Variants in LHPP observed in about 807,000 individuals in gnomAD.
LHPP encodes hLHPP.
LHPP carries 24 observed loss-of-function variants against 30.3 expected under a neutral mutation model. The ratio of observed to expected loss-of-function variants is 0.79; its 90% CI spans 0.57 to 1.11. LHPP has a LOEUF of 1.11. Ranked by LOEUF, LHPP falls within the 50% of genes most tolerant of loss-of-function variation. The pLI, the probability that LHPP is intolerant of heterozygous loss-of-function variation, is 0.00. For synonymous variants in LHPP, 150 were observed against 157.1 expected (o/e 0.95, Z 0.34); for missense variants, 356 against 367.2 (o/e 0.97, Z 0.25).
chr10:124,587,135 G>A (rs1024651582), intron 6 of LHPP, among the ~76,000 whole-genome samples: 2 of 150,660 alleles, frequency 1.3e-5, no homozygotes, highest in African/African-American at 2.4e-5. Context: ...GGGTTCCAGC[G>A]ATTCTCCTGC....
intron 1 of LHPP, among the ~76,000 whole-genome samples, chr10:124,480,595 C>T (rs1403654155): frequency 2.6e-5 from 4 of 152,226 alleles, no homozygotes; most frequent in Non-Finnish European, 4.4e-5. Flanking sequence ...GGGTGCAAAT[C>T]ACACGTTCCA....
intron 6 of LHPP, among the ~76,000 whole-genome samples, chr10:124,610,476 A>G (rs71488621): frequency 0.12 from 5,940 of 51,064 alleles, 755 homozygotes; most frequent in Middle Eastern, 0.18. Flanking sequence ...GAGGGTGCTG[A>G]TGGAGCGGGT....
intron 6 of LHPP, among the ~76,000 whole-genome samples, chr10:124,524,700 CACCCACCT>C (rs1954690400): frequency 1.3e-5 from 2 of 152,124 alleles, no homozygotes; most frequent in Non-Finnish European, 2.9e-5. Context: ...GGTGTGGTGA[CACCCACCT>C]GTGGTCCCAG....
intron 1 of LHPP, among the ~76,000 whole-genome samples, chr10:124,464,439 C>T (rs185125207): frequency 5.7e-4 from 86 of 152,202 alleles, no homozygotes; most frequent in African/African-American, 1.9e-3. Context: ...ATAGTGAAGC[C>T]GGAGGTGTTT....
At chr10:124,539,443 G>A (rs1955119710) in intron 6 of LHPP, among the ~76,000 whole-genome samples, 2 of 152,048 alleles carry the variant, frequency 1.3e-5, no homozygotes, top group African/African-American at 2.4e-5. Context: ...TGGGCAACAT[G>A]GCGAAACCCC....
intron 6 of LHPP, among the ~76,000 whole-genome samples, chr10:124,535,578 T>C (rs1436368491): frequency 1.3e-5 from 2 of 151,956 alleles, no homozygotes; most frequent in Non-Finnish European, 2.9e-5. Context: ...AAAACATTTT[T>C]TTTTTTTTTG....
chr10:124,574,455 C>T (rs1022344442), intron 6 of LHPP, among the ~76,000 whole-genome samples: 1 of 152,168 alleles, frequency 6.6e-6, no homozygotes, highest in African/African-American at 2.4e-5. Flanking sequence ...GGCGGGAGCT[C>T]AGTCTGGCTT....
At chr10:124,518,666 C>T (rs1185295955) in intron 6 of LHPP, among the ~76,000 whole-genome samples, 1 of 152,220 alleles carries the variant, frequency 6.6e-6, no homozygotes, top group Non-Finnish European at 1.5e-5. Context: ...CTTCCAGTTC[C>T]TTGGAGGAGA....
chr10:124,517,343 T>A lies in LHPP; in HGVS notation c.716+72T>A. 1 of 1,020,628 alleles carries A rather than the reference T, an allele frequency of 9.8e-7. No homozygotes were observed. Among genetic ancestry groups the A allele is most frequent in the Non-Finnish European group, 1.4e-6 (1 of 712,694 alleles). The allele number at this position is 1,020,628 out of a possible 1,614,324, so 63.2% of individuals were successfully genotyped here. ...ACCACATTCTCATTCTGTTTTGTTC[T>A]TCAAAATAAAGGGGATATTCTTTCC... On this transcript the variant is annotated intron_variant, in intron 6 of 6. Coordinates refer to ENST00000368842, the MANE Select transcript of LHPP (RefSeq NM_022126.4). This position sits in a 1 kb window ranked among gnomAD's most constrained non-coding sequence, Gnocchi z 4.1.
chr10:124,499,450 C>A (rs1031070418), intron 5 of LHPP, among the ~76,000 whole-genome samples: 1 of 151,806 alleles, frequency 6.6e-6, no homozygotes, highest in African/African-American at 2.4e-5. Context: ...TTGAGACCAG[C>A]CTGGCCAATG....
At position 124,614,028 on chromosome 10, in the gene LHPP, C is replaced by T. The variant is rs11245317; in HGVS notation, c.*668C>T. 0.044 allele frequency: 6,754 copies of T among 153,154 alleles called. 229 individuals are homozygous for T. Among genetic ancestry groups the T allele is most frequent in the East Asian group, 0.13 (683 of 5,192 alleles). 9.5% of individuals were successfully genotyped at this position (153,154 alleles called of 1,614,324 possible). ...CACACAGTGAGAACTGTAGCCTCTG[C>T]GTCCAAGGCACACAGGGTACTTTCT... On this transcript the variant is annotated 3_prime_UTR_variant, in exon 7 of 7. Coordinates refer to ENST00000368842, the MANE Select transcript of LHPP (RefSeq NM_022126.4).
intron 6 of LHPP, among the ~76,000 whole-genome samples, chr10:124,594,230 G>A (rs544596017): frequency 4.7e-5 from 7 of 149,958 alleles, no homozygotes; most frequent in African/African-American, 9.8e-5. Context: ...CTCAGGAGGC[G>A]GAGGCAAGAG....
At chr10:124,472,096 A>G (rs1294312871) in intron 1 of LHPP, among the ~76,000 whole-genome samples, 1 of 151,678 alleles carries the variant, frequency 6.6e-6, no homozygotes, top group African/African-American at 2.4e-5. Flanking sequence ...CAGATCACAT[A>G]AGGTCAGGAG....
chr10:124,529,903 G>T (rs1371822635), intron 6 of LHPP, among the ~76,000 whole-genome samples: 1 of 152,230 alleles, frequency 6.6e-6, no homozygotes, highest in Non-Finnish European at 1.5e-5. Context: ...AGCGGGGAAG[G>T]GGTGTGGGGA....
At chr10:124,577,074 A>G (rs1322969246) in intron 6 of LHPP, among the ~76,000 whole-genome samples, 1 of 152,242 alleles carries the variant, frequency 6.6e-6, no homozygotes, top group African/African-American at 2.4e-5. Flanking sequence ...CCTAGAAAGT[A>G]GGTACCATTG....
At chr10:124,584,838 C>G (rs934845199) in intron 6 of LHPP, among the ~76,000 whole-genome samples, 1 of 152,062 alleles carries the variant, frequency 6.6e-6, no homozygotes, top group Non-Finnish European at 1.5e-5. Context: ...TGGTATGCTC[C>G]AAAACCTGAA....
intron 6 of LHPP, among the ~76,000 whole-genome samples, chr10:124,553,661 G>A (rs572305238): frequency 1.4e-4 from 22 of 152,056 alleles, no homozygotes; most frequent in East Asian, 5.8e-4. Flanking sequence ...GGGTTTCACC[G>A]TGTTAGCCAG....
At chr10:124,462,083 C>CT in intron 1 of LHPP, 96 bp downstream of exon 1, 1 of 1,084,794 alleles carries the variant, frequency 9.2e-7, no homozygotes, top group Non-Finnish European at 1.1e-6. Flanking sequence ...GGGGCGGGGC[C>CT]GCGGCGCAGG....
At chr10:124,527,177 G>C (rs1205822215) in intron 6 of LHPP, among the ~76,000 whole-genome samples, 1 of 152,202 alleles carries the variant, frequency 6.6e-6, no homozygotes, top group Non-Finnish European at 1.5e-5. Context: ...GGCTGGTGGC[G>C]CTTACAGCCC....
Sources: allele counts gnomAD v4.1 joint callset (sites outside exome capture counted in the v4.1 genomes callset), GRCh38; gene constraint gnomAD v4.1.1; non-coding constraint Gnocchi (gnomAD v3.1); transcripts MANE v1.5; gene names NCBI Gene and HGNC (gene_info 2026-07-23, HGNC 2026-07-21).